The following CPS1 variants were observed in gnomAD, a reference collection of about 807,000 sequenced individuals.
CPS1 encodes carbamoyl-phosphate synthase [ammonia], mitochondrial.
Under a neutral mutation model 174.6 loss-of-function variants are expected in CPS1, and 109 were observed. The observed-to-expected ratio is 0.62, with a 90% CI of 0.53 to 0.73. CPS1 has a LOEUF of 0.73. Ranked by LOEUF, CPS1 falls within the 30% of genes least tolerant of loss-of-function variation. The pLI is 0.00. For missense variants in CPS1, 1,689 were observed against 1,821.9 expected (o/e 0.93, Z 1.33); for synonymous variants, 637 against 632.0 (o/e 1.01, Z -0.12).
At chr2:210,479,950 T>C (rs1276036855) in intron 1 of CPS1, among the ~76,000 whole-genome samples, 1 of 152,212 alleles carries the variant, frequency 6.6e-6, no homozygotes, top group East Asian at 1.9e-4. Context: ...AACTATATTC[T>C]GAGGGCATTT....
chr2:210,587,327 G>C (rs1698142809), intron 6 of CPS1, among the ~76,000 whole-genome samples: 1 of 152,018 alleles, frequency 6.6e-6, no homozygotes, highest in Non-Finnish European at 1.5e-5. Flanking sequence ...GAACCGGTGT[G>C]TGTGCCCACC....
chr2:210,478,687 G>A lies in CPS1; in HGVS notation c.3+921G>A, dbSNP rs192725485. ...TTAGCTTCATATTCAAAATGTCTTT[G>A]TCTACTCATAGACTGCAATGACTTC... On this transcript the variant is annotated intron_variant, in intron 1 of 38. Transcript: ENST00000430249. 1.8e-3 allele frequency among the ~76,000 whole-genome samples: 279 copies of A among 152,156 alleles called. 1 individual carries two copies. Among genetic ancestry groups the A allele is most frequent in the Non-Finnish European group, 2.6e-3 (180 of 67,992 alleles).
rs755871227 is a variant in CPS1 at position 210,616,471 on chromosome 2, A to G, written c.2617A>G (p.Ile873Val). 8 of 1,612,460 alleles carry G rather than the reference A, an allele frequency of 5.0e-6. No homozygotes were observed. The highest frequency in any genetic ancestry group is 1.7e-4 in the Middle Eastern group (1 of 6,050). The change falls in exon 21 of 38, where the codon ATT (isoleucine) becomes GTT (valine). Residue 873 changes from isoleucine to valine, a missense_variant. Ile to Val is a conservative substitution (Grantham distance 29, BLOSUM62 3). Transcript: ENST00000233072. ...SLDEIEKLTYIDKWFLYKMRD... is the reference protein window; with the variant it reads ...SLDEIEKLTYVDKWFLYKMRD... Reference sequence around the variant, plus strand: ...TGATGAGATTGAGAAGCTCACATACATTGACAAGTGGTTTTTGTATAAGAT... The same window carrying G: ...TGATGAGATTGAGAAGCTCACATACGTTGACAAGTGGTTTTTGTATAAGAT...
At chr2:210,600,162 C>T (rs2106127906) in intron 14 of CPS1, among the ~76,000 whole-genome samples, 1 of 149,418 alleles carries the variant, frequency 6.7e-6, no homozygotes, top group Non-Finnish European at 1.5e-5. Context: ...GTAGTGGAAA[C>T]ACAAACCATT....
chr2:210,615,592 G>A (rs959699624), intron 20 of CPS1, among the ~76,000 whole-genome samples: 4 of 151,872 alleles, frequency 2.6e-5, no homozygotes, highest in African/African-American at 7.2e-5. Flanking sequence ...GTATATACAC[G>A]TACACATACA....
At chr2:210,597,839 C>G (rs759835706) in intron 13 of CPS1, among the ~76,000 whole-genome samples, 3 of 148,304 alleles carry the variant, frequency 2.0e-5, no homozygotes, top group Non-Finnish European at 4.4e-5. Flanking sequence ...TATACACACA[C>G]ACACAAACAT....
chr2:210,640,024 G>C lies in CPS1; in HGVS notation c.2924G>C (p.Gly975Ala), dbSNP rs373665909. The C allele has an allele frequency of 3.7e-5, 60 of 1,611,314 alleles. No homozygotes were observed. Among genetic ancestry groups the C allele is most frequent in the Non-Finnish European group, 4.5e-5 (53 of 1,178,154 alleles). The part of the protein sequence containing the change: ...QEHDVNFDDH[G>A]MMVLGCGPYH... ...CATGATGTCAATTTTGATGACCATG[G>C]AATGATGGTGCTAGGCTGTGGTCCA... The change falls in exon 24 of 38, where the codon GGA becomes GCA. Residue 975 changes from glycine (G) to alanine (A), a missense_variant. Physicochemically the swap from Gly to Ala is moderately conservative, Grantham distance 60. Coordinates refer to ENST00000233072, the MANE Select transcript of CPS1 (RefSeq NM_001875.5).
At chr2:210,508,939 T>A (rs1023050758) in intron 1 of CPS1, among the ~76,000 whole-genome samples, 1 of 152,192 alleles carries the variant, frequency 6.6e-6, no homozygotes, top group Non-Finnish European at 1.5e-5. Flanking sequence ...ACAGCTGAAT[T>A]CTACCAGAGG....
At chr2:210,478,404 A>G (rs900577939) in intron 1 of CPS1, among the ~76,000 whole-genome samples, 28 of 152,238 alleles carry the variant, frequency 1.8e-4, no homozygotes, top group Admixed American at 1.3e-3. Flanking sequence ...TATACCTGTT[A>G]GACAATTGGG....
At position 210,637,825 on chromosome 2, in the gene CPS1, C is replaced by T; in HGVS notation, c.2811C>T (p.Ile937=). The T allele has an allele frequency of 1.2e-6, 2 of 1,613,916 alleles. No homozygotes were observed. Among genetic ancestry groups the T allele is most frequent in the Non-Finnish European group, 1.7e-6 (2 of 1,179,854 alleles). ...QTRELRLKKN[I]HPWVKQIDTL... ...GGGAGCTGAGGTTAAAGAAAAACAT[C>T]CACCCTTGGGTTAAACAGGTAAAGG... The change falls in exon 22 of 38, where the codon ATC becomes ATT. Residue 937 remains isoleucine (I), a synonymous_variant. Transcript: ENST00000233072.
Position 210,533,563 on chromosome 2 carries a change from C to T in CPS1, c.4-23156C>T, listed in dbSNP as rs375889525. On this transcript the variant is annotated intron_variant, in intron 1 of 38. Transcript: ENST00000430249. Reference sequence around the variant, plus strand: ...AGTCAGGCTCTCGAGTCTGTGTTCTCCGGTACAAGCTTCACAAAGGAGGGC... The same window carrying T: ...AGTCAGGCTCTCGAGTCTGTGTTCTTCGGTACAAGCTTCACAAAGGAGGGC... Among the ~76,000 whole-genome samples, 8 of 152,224 alleles carry T rather than the reference C, an allele frequency of 5.3e-5. No individual in the cohort carries two copies. In the East Asian group the frequency reaches 1.4e-3, roughly 26 times the overall value.
Position 210,527,111 on chromosome 2 carries a change from CTTCT to C in CPS1, c.4-29605_4-29602del, listed in dbSNP as rs767268483. Among the ~76,000 whole-genome samples the C allele has an allele frequency of 1.0e-3, 157 of 151,428 alleles. 1 individual carries two copies. Among genetic ancestry groups the C allele is most frequent in the Admixed American group, 1.6e-3 (24 of 15,158 alleles). ...AAGTTATTCAATAGCCTTTTTTTCT[CTTCT>C]TTATTTCTTTCCTTTCCTTTAATAA... On this transcript the variant is annotated intron_variant, in intron 1 of 38. Coordinates refer to the CPS1 transcript ENST00000430249.
rs1182837255 is a variant in CPS1 at position 210,678,479 on chromosome 2, T to G, written c.*494T>G. 1.2e-5 allele frequency: 2 copies of G among 173,146 alleles called. No individual in the cohort carries two copies. Among genetic ancestry groups the G allele is most frequent in the African/African-American group, 4.8e-5 (2 of 41,614 alleles). The allele number at this position is 173,146 out of a possible 1,614,324, so 10.7% of individuals were successfully genotyped here. A position where few individuals can be genotyped will look rare whatever the true frequency, so the allele number is the denominator to read the frequency against. ...CATGATGTTTGTGTATTGCTTCTTT[T>G]TGGATCCTCATTCTCACCCATTTGG... On this transcript the variant is annotated 3_prime_UTR_variant, in exon 38 of 38. Transcript: ENST00000233072.
chr2:210,620,483 T>G (rs1699474324), intron 21 of CPS1, among the ~76,000 whole-genome samples: 1 of 152,100 alleles, frequency 6.6e-6, no homozygotes, highest in Non-Finnish European at 1.5e-5. Context: ...TATGAAGAAA[T>G]ATCTGAGACT....
chr2:210,574,564 T>C (rs1159209506), intron 2 of CPS1, among the ~76,000 whole-genome samples: 2 of 152,124 alleles, frequency 1.3e-5, no homozygotes, highest in Non-Finnish European at 2.9e-5. Context: ...AGGCAATTAT[T>C]TAAACTTTTC....
At chr2:210,662,142 C>T (rs886734581) in intron 32 of CPS1, among the ~76,000 whole-genome samples, 1 of 152,060 alleles carries the variant, frequency 6.6e-6, no homozygotes, top group African/African-American at 2.4e-5. Context: ...TCTTAAACTC[C>T]TGACCTCAGG....
chr2:210,519,551 C>T (rs1281497594), intron 1 of CPS1: 1 of 152,768 alleles, frequency 6.5e-6, no homozygotes, highest in Non-Finnish European at 1.5e-5. Flanking sequence ...TTATTTGCAG[C>T]TACCCATTAT....
intron 10 of CPS1, 35 bp from the exon 11 acceptor site, chr2:210,592,844 C>T: frequency 6.4e-7 from 1 of 1,564,128 alleles, no homozygotes; most frequent in South Asian, 1.1e-5. Flanking sequence ...TTCATTGTTA[C>T]AGAAGGAATT....
At chr2:210,564,315 C>T (rs1697208896) in intron 1 of CPS1, among the ~76,000 whole-genome samples, 1 of 152,112 alleles carries the variant, frequency 6.6e-6, no homozygotes, top group African/African-American at 2.4e-5. Flanking sequence ...TTACTTATAA[C>T]CTGTGAAAGA....
Sources: gnomAD v4.1 joint callset for allele counts (sites outside exome capture counted in the v4.1 genomes callset) on GRCh38, gnomAD v4.1.1 for gene constraint, MANE v1.5 for transcripts, NCBI Gene and HGNC (gene_info 2026-07-23, HGNC 2026-07-21) for gene names.